The following DENND1A variants were observed in gnomAD, a reference collection of about 807,000 sequenced individuals.
The protein encoded by DENND1A is DENN domain containing 1A.
A neutral mutation model predicts 113.7 loss-of-function variants in DENND1A; 51 were observed. That is an observed-to-expected ratio of 0.45 (90% confidence interval 0.36 to 0.57). DENND1A has a LOEUF of 0.57. Ranked by LOEUF, DENND1A falls within the 20% of genes least tolerant of loss-of-function variation. The pLI, the probability that DENND1A is intolerant of heterozygous loss-of-function variation, is 0.00. For missense variants in DENND1A, 1,258 were observed against 1,395.9 expected (o/e 0.90, Z 1.57); for synonymous variants, 565 against 570.8 (o/e 0.99, Z 0.14).
intron 2 of DENND1A, among the ~76,000 whole-genome samples, chr9:123,813,873 C>G (rs1334993294): frequency 6.6e-6 from 1 of 152,132 alleles, no homozygotes; most frequent in Non-Finnish European, 1.5e-5. Context: ...CTTTCCAAAA[C>G]TTAGATTTAG....
intron 2 of DENND1A, among the ~76,000 whole-genome samples, chr9:123,830,927 T>C (rs956584577): frequency 1.6e-5 from 2 of 125,966 alleles, no homozygotes; most frequent in Admixed American, 8.2e-5. Context: ...AATCCTGCCA[T>C]CATCAATCTC....
Position 123,383,882 on chromosome 9 carries a change from C to T in DENND1A, c.1792G>A (p.Asp598Asn). Residue 598 changes from aspartate to asparagine, a missense_variant, in exon 23 of 24, where the codon GAC becomes AAC. Around this residue, in one of 2 missense-constraint regions of DENND1A, gnomAD observed 1,159 missense variants for 1,231.7 expected, o/e 0.94. Coordinates refer to ENST00000394215, the MANE Select transcript of DENND1A (RefSeq NM_001352964.2). ...TCTGCCTCGTCGCCTTCCGCGCTGT[C>T]TGACTCCCTGAGTGTCCGATACGGC... ...PQPYRTLRES[D>N]SAEGDEAESP... is the part of the protein sequence containing the mutation. The T allele has an allele frequency of 1.2e-6, 2 of 1,612,380 alleles. No individual in the cohort carries two copies. The highest frequency in any genetic ancestry group is 1.7e-6 in the Non-Finnish European group (2 of 1,179,862).
At chr9:123,607,591 ATTGT>A (rs1281729673) in intron 11 of DENND1A, among the ~76,000 whole-genome samples, 3 of 135,336 alleles carry the variant, frequency 2.2e-5, no homozygotes, top group Admixed American at 7.2e-5. Flanking sequence ...CAGACAATAA[ATTGT>A]TTGGGGAAGA....
At chr9:123,453,877 T>C (rs143862408) in intron 16 of DENND1A, among the ~76,000 whole-genome samples, 1 of 152,350 alleles carries the variant, frequency 6.6e-6, no homozygotes, top group Non-Finnish European at 1.5e-5. Context: ...AAATGGTCCT[T>C]TGGAGTATTG....
At chr9:123,556,784 C>T (rs1206802531) in intron 13 of DENND1A, among the ~76,000 whole-genome samples, 1 of 152,250 alleles carries the variant, frequency 6.6e-6, no homozygotes, top group African/African-American at 2.4e-5. Context: ...TAGGCCAGTT[C>T]CTGCATTCTC....
At chr9:123,793,483 A>T (rs1427929154) in intron 2 of DENND1A, among the ~76,000 whole-genome samples, 1 of 152,218 alleles carries the variant, frequency 6.6e-6, no homozygotes, top group Non-Finnish European at 1.5e-5. Flanking sequence ...CCTTTGAGAC[A>T]TGTTAAGGGA....
At position 123,384,043 on chromosome 9, in the gene DENND1A, G is replaced by A. The variant is rs1283603516; in HGVS notation, c.1761-130C>T. ...GCCTGCGGGACAGGAGAGTGTCCCG[G>A]GGTCTCCGTGAGGGCAGGAGTCTGG... On this transcript the variant is annotated intron_variant, in intron 22 of 23. Transcript: ENST00000394215. 2.2e-5 allele frequency: 27 copies of A among 1,249,458 alleles called. No homozygotes were observed. The East Asian group carries it at 6.4e-4, about 30-fold the overall frequency. 77.4% of individuals were successfully genotyped at this position (1,249,458 alleles called of 1,614,324 possible).
intron 13 of DENND1A, among the ~76,000 whole-genome samples, chr9:123,502,865 C>T (rs975369039): frequency 6.6e-6 from 1 of 152,310 alleles, no homozygotes; most frequent in African/African-American, 2.4e-5. Context: ...AACTTTCTAA[C>T]ATGGCTACAG....
At chr9:123,674,714 C>T (rs1006361483) in intron 6 of DENND1A, among the ~76,000 whole-genome samples, 2 of 152,194 alleles carry the variant, frequency 1.3e-5, no homozygotes, top group African/African-American at 4.8e-5. Context: ...AGGAAAGGTT[C>T]ACCAGTTTTA....
intron 2 of DENND1A, among the ~76,000 whole-genome samples, chr9:123,833,971 G>A (rs1441471963): frequency 6.6e-6 from 1 of 152,154 alleles, no homozygotes; most frequent in East Asian, 1.9e-4. Flanking sequence ...CAGGAGAATT[G>A]CTTGAACCTG....
chr9:123,501,511 G>C (rs1234528543), intron 13 of DENND1A, among the ~76,000 whole-genome samples: 1 of 152,184 alleles, frequency 6.6e-6, no homozygotes, highest in African/African-American at 2.4e-5. Context: ...TATGGCGACT[G>C]TATTTTTAGT....
rs746205004 is a variant in DENND1A, at chr9:123,551,327, T to C, written c.993+6243A>G. ...CCCTCTGCCTCAAATGCTTCCCTAT[T>C]CCCTAATTTCCTTCACCCATTCTCC... On this transcript the variant is annotated intron_variant, in intron 13 of 23. Transcript: ENST00000394215. Among the ~76,000 whole-genome samples, 78 of 152,134 alleles carry C rather than the reference T, an allele frequency of 5.1e-4. 1 individual carries two copies. Among genetic ancestry groups the C allele is most frequent in the Non-Finnish European group, 6.3e-4 (43 of 68,010 alleles).
intron 3 of DENND1A, among the ~76,000 whole-genome samples, chr9:123,771,035 C>T (rs1829650783): frequency 6.6e-6 from 1 of 152,008 alleles, no homozygotes; most frequent in Non-Finnish European, 1.5e-5. Flanking sequence ...CACAGCACTG[C>T]TAAGAAATGT....
At chr9:123,727,151 G>C (rs2067768788) in intron 5 of DENND1A, among the ~76,000 whole-genome samples, 1 of 152,174 alleles carries the variant, frequency 6.6e-6, no homozygotes, top group Non-Finnish European at 1.5e-5. Flanking sequence ...ACATGAACAG[G>C]AGATGGTACA....
At chr9:123,826,556 A>C (rs1839357739) in intron 2 of DENND1A, among the ~76,000 whole-genome samples, 1 of 152,214 alleles carries the variant, frequency 6.6e-6, no homozygotes, top group African/African-American at 2.4e-5. Context: ...ACTTGTATCA[A>C]ACCATTCCTC....
chr9:123,440,768 A>C (rs1219984599), intron 18 of DENND1A, among the ~76,000 whole-genome samples: 1 of 152,188 alleles, frequency 6.6e-6, no homozygotes, highest in Non-Finnish European at 1.5e-5. Context: ...TTACACAGCC[A>C]TTTTCATTTT....
At chr9:123,677,915 C>G (rs1238066729) in intron 5 of DENND1A, among the ~76,000 whole-genome samples, 2 of 152,058 alleles carry the variant, frequency 1.3e-5, no homozygotes. Flanking sequence ...AGATATGCTC[C>G]CCTCACTCCT....
rs144437107 is a variant in DENND1A at position 123,420,349 on chromosome 9, C to G, written c.1489-8520G>C. ...CGCAGAGAGGTCGGGCTGGGCTTCA[C>G]TCTGAACGGCAGACTCCACAGTGAG... On this transcript the variant is annotated intron_variant, in intron 19 of 23. Transcript: ENST00000394215. Among the ~76,000 whole-genome samples, 776 of 152,342 alleles carry G rather than the reference C, an allele frequency of 5.1e-3. 18 individuals carry two copies. The East Asian group carries it at 0.063, about 12-fold the overall frequency.
rs1254764258 is a variant in DENND1A, at chr9:123,630,494, A to C, written c.619-18T>G. 7 of 1,524,432 alleles carry C rather than the reference A, an allele frequency of 4.6e-6. No individual in the cohort carries two copies. The allele number at this position is 1,524,432 out of a possible 1,614,324, so 94.4% of individuals were successfully genotyped here. ...GCAGTCAGCTGGAACAGAGCAAAGCAGAGATCAATGAACAAATCCAAGGGA... is the reference window on the plus strand; with the variant it reads ...GCAGTCAGCTGGAACAGAGCAAAGCCGAGATCAATGAACAAATCCAAGGGA... On this transcript the variant is annotated intron_variant, in intron 9 of 23. Transcript: ENST00000394215.
Sources: allele counts gnomAD v4.1 joint callset (sites outside exome capture counted in the v4.1 genomes callset), GRCh38; gene constraint gnomAD v4.1.1; regional missense constraint gnomAD v4.1.1; transcripts MANE v1.5; gene names NCBI Gene and HGNC (gene_info 2026-07-23, HGNC 2026-07-21).